The following RAB31 variants were observed in gnomAD, a reference collection of about 807,000 sequenced individuals.
RAB31 encodes the protein ras-related protein Rab-31.
RAB31 carries 21 observed loss-of-function variants against 25.6 expected under a neutral mutation model. The ratio of observed to expected loss-of-function variants is 0.82; its 90% confidence interval spans 0.58 to 1.18. RAB31 has a LOEUF of 1.18. RAB31 is among the 50% of genes most tolerant of loss of function. The pLI is 0.00. For missense variants in RAB31, 196 were observed against 250.1 expected (o/e 0.78, Z 1.46); for synonymous variants, 87 against 84.0 (o/e 1.04, Z -0.20).
At chr18:9,811,333 C>T (rs2143070665) in intron 3 of RAB31, among the ~76,000 whole-genome samples, 1 of 152,316 alleles carries the variant, frequency 6.6e-6, no homozygotes, top group East Asian at 1.9e-4. Flanking sequence ...GGCCCACTTC[C>T]TTTCCACACT....
chr18:9,727,015 GT>G (rs962241451), intron 1 of RAB31, among the ~76,000 whole-genome samples: 5 of 151,924 alleles, frequency 3.3e-5, no homozygotes, highest in African/African-American at 4.8e-5. Flanking sequence ...TAGGATCTTT[GT>G]TTTTTTTAGG....
chr18:9,754,673 G>C (rs1186114141), intron 1 of RAB31, among the ~76,000 whole-genome samples: 4 of 152,180 alleles, frequency 2.6e-5, no homozygotes, highest in African/African-American at 9.7e-5. Flanking sequence ...GTAATCTAGA[G>C]ATGATTTAAA....
chr18:9,854,438 G>A (rs555366759), intron 6 of RAB31, among the ~76,000 whole-genome samples: 8 of 151,712 alleles, frequency 5.3e-5, no homozygotes, highest in Non-Finnish European at 1.0e-4. Context: ...TGACTCTCCC[G>A]CCTCCAGGCA....
At chr18:9,812,452 T>C (rs2068577694) in intron 3 of RAB31, among the ~76,000 whole-genome samples, 1 of 151,964 alleles carries the variant, frequency 6.6e-6, no homozygotes, top group Non-Finnish European at 1.5e-5. Context: ...GTAGAGTATG[T>C]GTGCCTCCCT....
rs79638148 is a variant in RAB31, at chr18:9,738,588, G to A, written c.39+30144G>A. ...CGCAGGGGCACACTGGGGAGGGCATGGAAGTCCCACACCCCTTCCCACATG... is the reference window on the plus strand; with the variant it reads ...CGCAGGGGCACACTGGGGAGGGCATAGAAGTCCCACACCCCTTCCCACATG... On this transcript the variant is annotated intron_variant, in intron 1 of 6. Transcript: ENST00000578921. Among the ~76,000 whole-genome samples the A allele has an allele frequency of 3.5e-3, 540 of 152,314 alleles. 8 individuals carry two copies. The highest frequency in any genetic ancestry group is 0.013 in the African/African-American group (522 of 41,564).
At chr18:9,827,638 C>T (rs2068656599) in intron 5 of RAB31, among the ~76,000 whole-genome samples, 1 of 152,056 alleles carries the variant, frequency 6.6e-6, no homozygotes. Flanking sequence ...GGGACTGCTG[C>T]CAGGGAGTCC....
chr18:9,771,060 A>G (rs2068342486), intron 1 of RAB31, among the ~76,000 whole-genome samples: 1 of 152,076 alleles, frequency 6.6e-6, no homozygotes, highest in African/African-American at 2.4e-5. Flanking sequence ...AGTCTCGGCT[A>G]CTGGAGAGGC....
intron 1 of RAB31, among the ~76,000 whole-genome samples, chr18:9,737,042 A>T (rs1259553956): frequency 2.0e-5 from 3 of 152,242 alleles, no homozygotes; most frequent in African/African-American, 7.2e-5. Flanking sequence ...AAATGGATCA[A>T]TAGATTTCTG....
intron 1 of RAB31, among the ~76,000 whole-genome samples, chr18:9,734,407 T>C (rs1374736845): frequency 6.6e-6 from 1 of 152,158 alleles, no homozygotes; most frequent in African/African-American, 2.4e-5. Context: ...CTGCCTTTCC[T>C]GAACACGGAC....
chr18:9,823,140 G>C (rs181373432), intron 5 of RAB31, among the ~76,000 whole-genome samples: 2 of 152,270 alleles, frequency 1.3e-5, no homozygotes, highest in African/African-American at 4.8e-5. Flanking sequence ...GAATTGTGCC[G>C]AGTGAATGAA....
chr18:9,821,308 T>G (rs2068623523), intron 5 of RAB31, among the ~76,000 whole-genome samples: 1 of 152,116 alleles, frequency 6.6e-6, no homozygotes, highest in South Asian at 2.1e-4. Flanking sequence ...CACTAAGTTT[T>G]TAAGACCTAT....
At chr18:9,778,131 G>A (rs571064117) in intron 2 of RAB31, among the ~76,000 whole-genome samples, 3 of 152,268 alleles carry the variant, frequency 2.0e-5, no homozygotes, top group South Asian at 4.1e-4. Flanking sequence ...AATGACAAGC[G>A]TAAGTGTTAA....
chr18:9,733,736 C>T (rs2068135185), intron 1 of RAB31, among the ~76,000 whole-genome samples: 1 of 152,102 alleles, frequency 6.6e-6, no homozygotes, highest in South Asian at 2.1e-4. Flanking sequence ...CCACCTGCAG[C>T]CCTTCTGCAG....
At position 9,760,892 on chromosome 18, in the gene RAB31, C is replaced by T. The variant is rs143250664; in HGVS notation, c.40-14386C>T. Among the ~76,000 whole-genome samples the T allele has an allele frequency of 5.7e-3, 875 of 152,270 alleles. 10 individuals carry two copies. Among genetic ancestry groups the T allele is most frequent in the Middle Eastern group, 0.031 (9 of 294 alleles). ...GATTTTCTACTGAGATGAAAAGGCA[C>T]TTAATAAAATGACATAACGCTTCAC... On this transcript the variant is annotated intron_variant, in intron 1 of 6. Coordinates refer to ENST00000578921, the MANE Select transcript of RAB31 (RefSeq NM_006868.4).
At chr18:9,771,805 A>G (rs1294676475) in intron 1 of RAB31, among the ~76,000 whole-genome samples, 1 of 152,238 alleles carries the variant, frequency 6.6e-6, no homozygotes, top group Non-Finnish European at 1.5e-5. Flanking sequence ...GAGACAAACT[A>G]AAACTTTGTC....
intron 1 of RAB31, among the ~76,000 whole-genome samples, chr18:9,717,712 C>T (rs2068051779): frequency 6.6e-6 from 1 of 151,618 alleles, no homozygotes; most frequent in Non-Finnish European, 1.5e-5. Flanking sequence ...GAGAGACACG[C>T]ACGTACACAC....
intron 1 of RAB31, among the ~76,000 whole-genome samples, chr18:9,760,911 G>A (rs1396354940): frequency 1.3e-5 from 2 of 152,104 alleles, no homozygotes; most frequent in Non-Finnish European, 2.9e-5. Context: ...ATGACATAAC[G>A]CTTCACAGGG....
At position 9,733,872 on chromosome 18, in the gene RAB31, G is replaced by C. The variant is rs2068135827; in HGVS notation, c.39+25428G>C. Reference sequence around the variant, plus strand: ...AGTAGCTCTTAGAAAGAAGAGACTAGAAAAAAAATAGGAGGCATGGTTACT... The same window carrying C: ...AGTAGCTCTTAGAAAGAAGAGACTACAAAAAAAATAGGAGGCATGGTTACT... On this transcript the variant is annotated intron_variant, in intron 1 of 6. Transcript: ENST00000578921. Among the ~76,000 whole-genome samples, 3 of 151,418 alleles carry C rather than the reference G, an allele frequency of 2.0e-5. No homozygotes were observed. The South Asian group carries it at 6.3e-4, about 32-fold the overall frequency.
rs762435684 is a variant in RAB31 at position 9,859,968 on chromosome 18, A to G, written c.*643A>G. On this transcript the variant is annotated 3_prime_UTR_variant, in exon 7 of 7. Coordinates refer to ENST00000578921, the MANE Select transcript of RAB31 (RefSeq NM_006868.4). ...AACAATTTTTCTAAGTTATGGTCAT[A>G]TATACCCAAACAAACCAAATCAAAC... is the stretch of plus-strand genomic sequence containing the variant. The G allele has an allele frequency of 1.3e-5, 2 of 152,256 alleles. No individual in the cohort carries two copies. The highest frequency in any genetic ancestry group is 2.4e-5 in the African/African-American group (1 of 41,470). 9.4% of individuals were successfully genotyped at this position (152,256 alleles called of 1,614,324 possible). A position where few individuals can be genotyped will look rare whatever the true frequency, so the allele number is the denominator to read the frequency against.
Sources: gnomAD v4.1 joint callset for allele counts (sites outside exome capture counted in the v4.1 genomes callset) on GRCh38, gnomAD v4.1.1 for gene constraint, MANE v1.5 for transcripts, NCBI Gene and HGNC (gene_info 2026-07-23, HGNC 2026-07-21) for gene names.